The following WDR87 variants were observed in gnomAD, a reference collection of about 807,000 sequenced individuals.
WDR87 encodes the protein WD repeat domain 87.
Under a neutral mutation model 83.3 loss-of-function variants are expected in WDR87, and 56 were observed. That is an observed-to-expected ratio of 0.67 (90% CI 0.54 to 0.84). The LOEUF (loss-of-function observed/expected upper bound fraction) is 0.84, where lower values mean the gene tolerates loss of function less well. Ranked by LOEUF, WDR87 falls within the 40% of genes least tolerant of loss-of-function variation. The probability of loss-of-function intolerance (pLI) is 0.00; values close to 1 mark genes in which losing one functional copy is unlikely to be tolerated. For synonymous variants in WDR87, 1,173 were observed against 1,250.6 expected (o/e 0.94, Z 1.31); for missense variants, 2,939 against 3,431.9 (o/e 0.86, Z 3.59).
chr19:37,901,935 C>T (rs553264201), intron 1 of WDR87, among the ~76,000 whole-genome samples: 4 of 152,110 alleles, frequency 2.6e-5, no homozygotes, highest in South Asian at 2.1e-4. Context: ...TAGGTGGTCT[C>T]GAACTCCTGG....
At position 37,885,418 on chromosome 19, in the gene WDR87, C is replaced by T; in HGVS notation, c.8253G>A (p.Lys2751=). The change falls in exon 6 of 6, where the codon AAG becomes AAA. Residue 2751 remains lysine, a synonymous_variant. Coordinates refer to ENST00000447313, the MANE Select transcript of WDR87 (RefSeq NM_001291088.2). ...RFPKLPKLEK[K]TQPISKKKEE... is the part of the protein sequence containing the mutation. ...CCTTTTTTTTAGAAATGGGCTGTGT[C>T]TTCTTCTCTAACTTGGGCAGTTTAG... The T allele has an allele frequency of 6.4e-7, 1 of 1,551,818 alleles. No individual in the cohort carries two copies. Among genetic ancestry groups the T allele is most frequent in the Non-Finnish European group, 8.7e-7 (1 of 1,147,028 alleles).
In WDR87 at chr19:37,896,866, C is replaced by T. The variant is rs187061293; in HGVS notation, c.76-558G>A. 2.4e-3 allele frequency among the ~76,000 whole-genome samples: 369 copies of T among 152,248 alleles called. 1 individual carries two copies. The highest frequency in any genetic ancestry group is 3.7e-3 in the East Asian group (19 of 5,174). On this transcript the variant is annotated intron_variant, in intron 2 of 5. Transcript: ENST00000447313. ...AACTCCAGACCTCAGGTAATCCGCC[C>T]GCCTCGGCCTCCCAAAGTGCTGGGA...
rs1183336487 is a variant in WDR87 at position 37,888,772 on chromosome 19, T to C, written c.4899A>G (p.Lys1633=). 3 of 1,551,786 alleles carry C rather than the reference T, an allele frequency of 1.9e-6. No individual in the cohort carries two copies. Among genetic ancestry groups the C allele is most frequent in the Non-Finnish European group, 2.6e-6 (3 of 1,147,054 alleles). The change falls in exon 6 of 6, where the codon AAA becomes AAG. Residue 1633 remains lysine, a synonymous_variant. Coordinates refer to ENST00000447313, the MANE Select transcript of WDR87 (RefSeq NM_001291088.2). The stretch of plus-strand genomic sequence containing the variant: ...CAAGTTTCTCTTCTTCTTGTGCTAA[T>C]TTCCTCTCTTCTTGGGCTCGTTTTT... ...AEKKRAQEER[K]LAQEEEKLAQ...
At chr19:37,900,906 G>T (rs954893432) in intron 1 of WDR87, among the ~76,000 whole-genome samples, 1 of 140,768 alleles carries the variant, frequency 7.1e-6, no homozygotes, top group African/African-American at 2.7e-5. Context: ...AGGCTCACTC[G>T]CTTTCAGCCA....
chr19:37,897,834 G>T (rs998945464), intron 2 of WDR87, among the ~76,000 whole-genome samples: 2 of 152,136 alleles, frequency 1.3e-5, no homozygotes, highest in Admixed American at 6.5e-5. Flanking sequence ...GTTGCAGTGG[G>T]CCGAGATCAT....
chr19:37,885,852 C>T lies in WDR87; in HGVS notation c.7819G>A (p.Ala2607Thr). 6.4e-7 allele frequency: 1 copy of T among 1,551,954 alleles called. No homozygotes were observed. ...CGGTACACAATGGCTTCATGTTTGG[C>T]CAGATGCAGCCATTCTAAGTTTCCC... is the stretch of plus-strand genomic sequence containing the variant. ...SKGNLEWLHL[A>T]KHEAIVYRHR... Residue 2607 changes from alanine (A) to threonine (T), a missense_variant, in exon 6 of 6, where the codon GCC becomes ACC. Around this residue, in one of 3 missense-constraint regions of WDR87, gnomAD observed 2,160 missense variants for 2,533.1 expected, o/e 0.85. Coordinates refer to ENST00000447313, the MANE Select transcript of WDR87 (RefSeq NM_001291088.2).
At chr19:37,899,993 G>T (rs1266287695) in intron 1 of WDR87, among the ~76,000 whole-genome samples, 2 of 152,150 alleles carry the variant, frequency 1.3e-5, no homozygotes, top group Non-Finnish European at 1.5e-5. Flanking sequence ...TTTGGCCTGG[G>T]CTTCCTGAAG....
chr19:37,898,366 C>T, intron 1 of WDR87, 81 bp from the exon 2 acceptor site: 2 of 1,451,922 alleles, frequency 1.4e-6, no homozygotes, highest in Middle Eastern at 2.5e-4. Flanking sequence ...ACAATGAACT[C>T]ATGTTTATTG....
rs771961125 is a variant in WDR87 at position 37,894,056 on chromosome 19, C to T, written c.1647G>A (p.Arg549=). 11 of 1,551,902 alleles carry T rather than the reference C, an allele frequency of 7.1e-6. No homozygotes were observed. The African/African-American group carries it at 1.5e-4, about 21-fold the overall frequency. The change falls in exon 4 of 6, where the codon CGG becomes CGA. Residue 549 remains arginine (R), a synonymous_variant. Transcript: ENST00000447313. ...AGCTGCTGAGAATGCTGGCGAGAGGCCGCAGTTGTACTTTGACCCCATCAA... is the reference window on the plus strand; with the variant it reads ...AGCTGCTGAGAATGCTGGCGAGAGGTCGCAGTTGTACTTTGACCCCATCAA... The part of the protein sequence containing the change: ...AVLDGVKVQL[R]PLASILSSCH...
chr19:37,905,741 G>C (rs1454259875), intron 1 of WDR87, among the ~76,000 whole-genome samples: 5 of 152,028 alleles, frequency 3.3e-5, no homozygotes, highest in African/African-American at 1.2e-4. Context: ...TTTTAGTAGA[G>C]ATAGGGTCTT....
Position 37,893,054 on chromosome 19 carries a change from A to G in WDR87, c.2649T>C (p.Asp883=), listed in dbSNP as rs1388253505. ...NTEYPKNKEE[D]EHFLEMRLSK... ...AAAGTCTCATTTCTAGGAAGTGTTC[A>G]TCCTCCTCCTTATTCTTTGGATATT... Residue 883 remains aspartate, a synonymous_variant, in exon 4 of 6, where the codon GAT becomes GAC. Transcript: ENST00000447313. 6.4e-7 allele frequency: 1 copy of G among 1,551,642 alleles called. No homozygotes were observed. The highest frequency in any genetic ancestry group is 8.7e-7 in the Non-Finnish European group (1 of 1,147,026).
At chr19:37,905,806 G>A (rs1043059551) in intron 1 of WDR87, among the ~76,000 whole-genome samples, 4 of 152,010 alleles carry the variant, frequency 2.6e-5, no homozygotes, top group Non-Finnish European at 5.9e-5. Flanking sequence ...CTCCTGCCTC[G>A]GTGGCTCAAA....
rs1490649694 is a variant in WDR87, at chr19:37,885,428, A to C, written c.8243T>G (p.Leu2748Ter). The change falls in exon 6 of 6, where the codon TTA becomes TGA. Residue 2748 changes from leucine (L) to a stop codon, truncating the protein, a stop_gained. Coordinates refer to ENST00000447313, the MANE Select transcript of WDR87 (RefSeq NM_001291088.2). LOFTEE classifies it low-confidence loss of function (END_TRUNC). ...DKRRFPKLPK[L>*]EKKTQPISKK... ...AGAAATGGGCTGTGTCTTCTTCTCT[A>C]ACTTGGGCAGTTTAGGAAACCTGCG... The C allele has an allele frequency of 6.4e-6, 10 of 1,551,668 alleles. No individual in the cohort carries two copies. The highest frequency in any genetic ancestry group is 2.0e-5 in the Admixed American group (1 of 50,982).
chr19:37,888,155 C>T lies in WDR87; in HGVS notation c.5516G>A (p.Arg1839Gln), dbSNP rs376310584. 156 of 1,551,812 alleles carry T rather than the reference C, an allele frequency of 1.0e-4. No individual in the cohort carries two copies. The highest frequency in any genetic ancestry group is 5.6e-4 in the East Asian group (23 of 40,884). Reference sequence around the variant, plus strand: ...CTTCTCAATCAATTGCTCCCTTTTCCGTCCCAGTCTTTCCTCTTCCTCAGG... The same window carrying T: ...CTTCTCAATCAATTGCTCCCTTTTCTGTCCCAGTCTTTCCTCTTCCTCAGG... The part of the protein sequence containing the change: ...KMPEEEERLG[R>Q]KREQLIEKKM... Residue 1839 changes from arginine to glutamine, a missense_variant, in exon 6 of 6, where the codon CGG (arginine) becomes CAG (glutamine). Arg to Gln is a conservative substitution (Grantham distance 43). This residue lies in a region of WDR87 where 2,160 missense variants were observed against 2,533.1 expected (regional missense o/e 0.85). Transcript: ENST00000447313.
rs904909083 is a variant in WDR87, at chr19:37,888,120, G to A, written c.5551C>T (p.Leu1851=). Residue 1851 remains leucine (L), a synonymous_variant, in exon 6 of 6, where the codon CTG becomes TTG. Transcript: ENST00000447313. ...ATCCATCTTTCCCTTTTTTGGGCCA[G>A]TTTCATCTTCTTCTCAATCAATTGC... ...REQLIEKKMK[L]AQKRERWINS... The A allele has an allele frequency of 1.5e-5, 24 of 1,551,614 alleles. No homozygotes were observed. The East Asian group carries it at 5.6e-4, about 36-fold the overall frequency.
intron 1 of WDR87, among the ~76,000 whole-genome samples, chr19:37,899,086 G>A (rs1237386761): frequency 8.5e-6 from 1 of 117,546 alleles, no homozygotes; most frequent in Non-Finnish European, 1.6e-5. Flanking sequence ...AGTTGTTGTT[G>A]TGTTGTTTTG....
chr19:37,896,210 T>C lies in WDR87; in HGVS notation c.174A>G (p.Val58=). 2 of 1,552,300 alleles carry C rather than the reference T, an allele frequency of 1.3e-6. No individual in the cohort carries two copies. Among genetic ancestry groups the C allele is most frequent in the Non-Finnish European group, 1.7e-6 (2 of 1,147,118 alleles). ...AGTGGGCATCACTGAAGTAATAGCA[T>C]ACACACGGCATATTTTGAGGATAGC... is the stretch of plus-strand genomic sequence containing the variant. ...ESRYPQNMPC[V]CYYFSDAHFF... The change falls in exon 3 of 6, where the codon GTA becomes GTG. Residue 58 remains valine (V), a synonymous_variant. Transcript: ENST00000447313.
chr19:37,906,470 T>C (rs1016939054), intron 1 of WDR87, 29 bp downstream of exon 1: 4 of 152,202 alleles, frequency 2.6e-5, no homozygotes, highest in African/African-American at 9.7e-5. Context: ...AGGGCGTCTC[T>C]ATCTCAAAGC....
In WDR87 at chr19:37,902,059, C is replaced by T. The variant is rs1345628269; in HGVS notation, c.-46-3774G>A. ...ATTTATTTATTTATTTATTTATTTGCCACTCTTTCCCACACCATAGACCAG... is the reference window on the plus strand; with the variant it reads ...ATTTATTTATTTATTTATTTATTTGTCACTCTTTCCCACACCATAGACCAG... On this transcript the variant is annotated intron_variant, in intron 1 of 5. Transcript: ENST00000447313. Among the ~76,000 whole-genome samples, 5 of 146,300 alleles carry T rather than the reference C, an allele frequency of 3.4e-5. No individual in the cohort carries two copies. In the South Asian group the frequency reaches 8.7e-4, roughly 25 times the overall value.
Sources: allele counts gnomAD v4.1 joint callset (sites outside exome capture counted in the v4.1 genomes callset), GRCh38; gene constraint gnomAD v4.1.1; regional missense constraint gnomAD v4.1.1; transcripts MANE v1.5; gene names NCBI Gene and HGNC (gene_info 2026-07-23, HGNC 2026-07-21).